Variants in DUOX2 observed in about 807,000 individuals in gnomAD.
DUOX2 encodes dual oxidase 2, also known as NADH/NADPH thyroid oxidase p138-tox.
Under a neutral mutation model 183.3 loss-of-function variants are expected in DUOX2, and 185 were observed. The observed-to-expected ratio is 1.01, with a 90% CI of 0.90 to 1.14. The LOEUF (loss-of-function observed/expected upper bound fraction) is 1.14. Ranked by LOEUF, DUOX2 falls within the 50% of genes most tolerant of loss-of-function variation. The pLI is 0.00. For synonymous variants in DUOX2, 788 were observed against 812.4 expected, an observed-to-expected ratio of 0.97 and a Z score of 0.51; for missense variants, 1,999 against 2,022.9, an observed-to-expected ratio of 0.99 and a Z score of 0.23.
chr15:45,101,106 G>T, intron 22 of DUOX2, 99 bp downstream of exon 22: 3 of 1,114,574 alleles, frequency 2.7e-6, no homozygotes, highest in Non-Finnish European at 4.0e-6. Flanking sequence ...AAGGGCAAAT[G>T]CCTGATTTTA....
In DUOX2 at chr15:45,106,821, T is replaced by C; in HGVS notation, c.1831+11A>G. ...AGGGCCAGTCTGCAGAGAGGCTGCC[T>C]AAGAGCTCACCTAAGGGAAGGCAGC... On this transcript the variant is annotated intron_variant, in intron 15 of 33. Coordinates refer to ENST00000389039, the MANE Select transcript of DUOX2 (RefSeq NM_001363711.2). 1 of 1,597,360 alleles carries C rather than the reference T, an allele frequency of 6.3e-7. No individual in the cohort carries two copies. Among genetic ancestry groups the C allele is most frequent in the Non-Finnish European group, 8.5e-7 (1 of 1,172,650 alleles).
intron 29 of DUOX2, among the ~76,000 whole-genome samples, chr15:45,096,544 A>G (rs1368191916): frequency 6.6e-6 from 1 of 152,192 alleles, no homozygotes; most frequent in African/African-American, 2.4e-5. Context: ...CATGTGTCCT[A>G]CATAGAAGAC....
At position 45,097,206 on chromosome 15, in the gene DUOX2, G is replaced by A. The variant is rs766285514; in HGVS notation, c.3847+32C>T. The A allele has an allele frequency of 4.0e-5, 64 of 1,613,544 alleles. 1 individual carries two copies. In the Admixed American group the frequency reaches 9.2e-4, roughly 23 times the overall value. On this transcript the variant is annotated intron_variant, in intron 29 of 33. Transcript: ENST00000389039. ...CATGTCTGAAGATTTGGCCTCTGTC[G>A]CTCCCGACCCAGGTCAGGCTGGGCC...
chr15:45,112,465 T>A lies in DUOX2; in HGVS notation c.325+89A>T, dbSNP rs950510830. 5.9e-6 allele frequency: 9 copies of A among 1,537,000 alleles called. No homozygotes were observed. In the East Asian group the frequency reaches 2.1e-4, roughly 36 times the overall value. On this transcript the variant is annotated intron_variant, in intron 4 of 33. Coordinates refer to ENST00000389039, the MANE Select transcript of DUOX2 (RefSeq NM_001363711.2). ...GAAGTGGTTGGGAGTCGGATGGGTCTCCTGTGGACTCGCAGACGGGATCTG... is the reference window on the plus strand; with the variant it reads ...GAAGTGGTTGGGAGTCGGATGGGTCACCTGTGGACTCGCAGACGGGATCTG...
intron 20 of DUOX2, among the ~76,000 whole-genome samples, chr15:45,103,460 G>T (rs528885333): frequency 1.1e-4 from 16 of 152,058 alleles, no homozygotes; most frequent in Non-Finnish European, 2.4e-4. Flanking sequence ...TTTTTTACCG[G>T]CACAACAAAA....
In DUOX2 at chr15:45,113,419, C is replaced by G. The variant is rs1056541160; in HGVS notation, c.-8G>C. 4 of 1,557,822 alleles carry G rather than the reference C, an allele frequency of 2.6e-6. No homozygotes were observed. In the African/African-American group the frequency reaches 5.4e-5, roughly 21 times the overall value. On this transcript the variant is annotated 5_prime_UTR_variant, in exon 2 of 34. Transcript: ENST00000389039. Reference sequence around the variant, plus strand: ...TGGTCTTGCACGGAGCATGCCAACCCTGCAGCCTGCGGGGTGAGGGTGGGG... The same window carrying G: ...TGGTCTTGCACGGAGCATGCCAACCGTGCAGCCTGCGGGGTGAGGGTGGGG...
chr15:45,113,224 C>G (rs1566979395), intron 2 of DUOX2, 118 bp downstream of exon 2: 1 of 1,456,840 alleles, frequency 6.9e-7, no homozygotes, highest in Non-Finnish European at 9.4e-7. Flanking sequence ...TCCCATCCCG[C>G]TGAGCTGCAC....
intron 23 of DUOX2, 113 bp from the exon 24 acceptor site, chr15:45,100,341 C>T (rs1393674056): frequency 2.0e-5 from 21 of 1,045,022 alleles, no homozygotes; most frequent in Non-Finnish European, 2.9e-5. Context: ...TGGGCCACAA[C>T]AGATGAATGG....
chr15:45,110,514 A>T lies in DUOX2; in HGVS notation c.954T>A (p.Pro318=). 1.9e-6 allele frequency: 3 copies of T among 1,614,154 alleles called. No homozygotes were observed. The highest frequency in any genetic ancestry group is 2.5e-6 in the Non-Finnish European group (3 of 1,180,016). Residue 318 remains proline, a synonymous_variant, in exon 9 of 34, where the codon CCT becomes CCA. Coordinates refer to ENST00000389039, the MANE Select transcript of DUOX2 (RefSeq NM_001363711.2). The part of the protein sequence containing the change: ...KTLPEYTGYR[P]FLDPSISPEF... ...CCGGGGAGATGCTGGGGTCTAGGAA[A>T]GGACGGTATCCTGCAGGAAGGAGAC...
chr15:45,100,292 T>A, intron 23 of DUOX2, 64 bp from the exon 24 acceptor site: 1 of 1,509,032 alleles, frequency 6.6e-7, no homozygotes. Flanking sequence ...TTAATGCCAC[T>A]CCATGAAAGG....
chr15:45,093,855 G>A lies in DUOX2; in HGVS notation c.*295C>T. 2 of 414,086 alleles carry A rather than the reference G, an allele frequency of 4.8e-6. No homozygotes were observed. Among genetic ancestry groups the A allele is most frequent in the Non-Finnish European group, 9.1e-6 (2 of 220,552 alleles). 25.7% of individuals were successfully genotyped at this position (414,086 alleles called of 1,614,324 possible). ...GTCTTTATCTTCTTTGGGAGATCCT[G>A]ACTGGTTGCGCACTTGCTAAGGGCA... On this transcript the variant is annotated 3_prime_UTR_variant, in exon 34 of 34. Coordinates refer to ENST00000389039, the MANE Select transcript of DUOX2 (RefSeq NM_001363711.2).
chr15:45,112,098 G>T (rs1247597945), intron 4 of DUOX2, 143 bp from the exon 5 acceptor site: 12 of 971,182 alleles, frequency 1.2e-5, no homozygotes, highest in Admixed American at 7.2e-5. Context: ...GTTAGCCCCA[G>T]GTAGCCTCAA....
intron 18 of DUOX2, among the ~76,000 whole-genome samples, chr15:45,105,036 G>A (rs1194796135): frequency 1.3e-5 from 2 of 152,148 alleles, no homozygotes; most frequent in African/African-American, 4.8e-5. Flanking sequence ...GGCCATGCTA[G>A]TCTCGAACTC....
chr15:45,102,086 AC>A (rs1894099036), intron 20 of DUOX2, 97 bp from the exon 21 acceptor site: 22 of 1,462,164 alleles, frequency 1.5e-5, no homozygotes, highest in Non-Finnish European at 1.9e-6. Flanking sequence ...TAATGTGGTT[AC>A]CAGTGACCCG....
chr15:45,113,298 G>C, intron 2 of DUOX2, 44 bp downstream of exon 2: 1 of 1,548,670 alleles, frequency 6.5e-7, no homozygotes. Flanking sequence ...CACCTCCCAG[G>C]GATCCTGGGG....
At chr15:45,108,265 C>T (rs1169497334) in intron 12 of DUOX2, 43 bp from the exon 13 acceptor site, 8 of 1,607,586 alleles carry the variant, frequency 5.0e-6, no homozygotes, top group African/African-American at 2.7e-5. Flanking sequence ...ATGTTTGCTG[C>T]GGAGGGCAGC....
rs1443038350 is a variant in DUOX2, at chr15:45,101,796, T to TTCCACC, written c.2842_2847dup (p.Gly948_Gly949dup). 2.5e-6 allele frequency: 4 copies of TTCCACC among 1,614,104 alleles called. No homozygotes were observed. Among genetic ancestry groups the TTCCACC allele is most frequent in the Non-Finnish European group, 3.4e-6 (4 of 1,180,016 alleles). ...CAACCATTCCTCACACACTCACCAT[T>TTCCACC]TCCACCTCCACCTCCACCTTTGACA... On this transcript the variant is annotated inframe_insertion, in exon 21 of 34. Transcript: ENST00000389039.
intron 24 of DUOX2, 51 bp downstream of exon 24, chr15:45,099,999 C>T: frequency 1.9e-6 from 3 of 1,613,752 alleles, no homozygotes; most frequent in Non-Finnish European, 2.5e-6. Context: ...CACTCCTCTC[C>T]AAGGGTCAGA....
chr15:45,108,872 G>C lies in DUOX2; in HGVS notation c.1315C>G (p.Pro439Ala), dbSNP rs781544455. 4.3e-6 allele frequency: 7 copies of C among 1,614,234 alleles called. No homozygotes were observed. In the Admixed American group the frequency reaches 1.2e-4, roughly 27 times the overall value. ...GCCAGCAGGGCCTGGCTATAGCTGG[G>C]CAGCCCCATATCTCGGCCACGTTGG... ...SIQRGRDMGL[P>A]SYSQALLAFG... Residue 439 changes from proline to alanine, a missense_variant, in exon 12 of 34, where the codon CCC becomes GCC. Around this residue, in one of 3 missense-constraint regions of DUOX2, gnomAD observed 1,628 missense variants for 1,608.6 expected, o/e 1.01. Transcript: ENST00000389039.
Sources: gnomAD v4.1 joint callset for allele counts (sites outside exome capture counted in the v4.1 genomes callset) on GRCh38, gnomAD v4.1.1 for gene constraint, gnomAD v4.1.1 regional missense constraint, MANE v1.5 for transcripts, NCBI Gene and HGNC (gene_info 2026-07-23, HGNC 2026-07-21) for gene names.